Variants in ZNF800 observed in about 807,000 individuals in gnomAD.
ZNF800 encodes zinc finger protein 800.
In ZNF800, 13 loss-of-function variants were observed where a neutral mutation model predicts 59.5. The ratio of observed to expected loss-of-function variants is 0.22; its 90% CI spans 0.14 to 0.35. The LOEUF is 0.35. Ranked by LOEUF, ZNF800 falls within the 10% of genes least tolerant of loss-of-function variation. The pLI is 1.00. For missense variants in ZNF800, 621 were observed against 783.7 expected, an observed-to-expected ratio of 0.79 and a Z score of 2.48; for synonymous variants, 266 against 265.7, an observed-to-expected ratio of 1.00 and a Z score of -0.01.
At chr7:127,384,210 T>C (rs559546068) in intron 3 of ZNF800, among the ~76,000 whole-genome samples, 23 of 145,206 alleles carry the variant, frequency 1.6e-4, no homozygotes, top group Admixed American at 4.9e-4. Context: ...CACTTATGAC[T>C]TAACTAATTC....
At chr7:127,350,058 A>G (rs1231741966) in intron 1 of ZNF800, 2 of 152,122 alleles carry the variant, frequency 1.3e-5, no homozygotes, top group Admixed American at 1.3e-4. Flanking sequence ...TCCCTAAATT[A>G]CTCGCCATTG....
In ZNF800 at chr7:127,373,603, G is replaced by A. The variant is rs770885574; in HGVS notation, c.1733C>T (p.Ser578Leu). The change falls in exon 5 of 6, where the codon TCG (serine) becomes TTG (leucine). Residue 578 changes from serine to leucine, a missense_variant. Transcript: ENST00000265827. ...VLNKVAKRGP[S>L]RDEAKHSDSK... ...ATCACTATGTTTTGCTTCATCCCTC[G>A]AAGGGCCTCTTTTTGCCACTTTATT... 107 of 1,614,122 alleles carry A rather than the reference G, an allele frequency of 6.6e-5. 3 individuals are homozygous for A. In the South Asian group the frequency reaches 1.1e-3, roughly 16 times the overall value.
Position 127,385,946 on chromosome 7 carries a change from TAAAG to T in ZNF800, c.157+110_157+113del. The T allele has an allele frequency of 7.6e-6, 5 of 659,824 alleles. No homozygotes were observed. The South Asian group carries it at 1.0e-4, about 13-fold the overall frequency. 40.9% of individuals were successfully genotyped at this position (659,824 alleles called of 1,614,324 possible). On this transcript the variant is annotated intron_variant, in intron 3 of 5. Transcript: ENST00000265827. ...AAATATGAAAATTTTAAATATTCTA[TAAAG>T]AAAGCCAACATATACATTTTAATGT...
At chr7:127,381,569 C>T (rs1035018042) in intron 3 of ZNF800, among the ~76,000 whole-genome samples, 3 of 151,998 alleles carry the variant, frequency 2.0e-5, no homozygotes, top group Admixed American at 6.6e-5. Context: ...ATTGAGCACA[C>T]ATTAAATACC....
intron 3 of ZNF800, 57 bp downstream of exon 3, chr7:127,386,003 T>C (rs1310791685): frequency 3.6e-6 from 4 of 1,122,708 alleles, no homozygotes; most frequent in Middle Eastern, 3.9e-4. Context: ...TAAGGACTTC[T>C]AGGTAGTTTT....
At chr7:127,379,830 CTTGCCA>C (rs1800902409) in intron 3 of ZNF800, among the ~76,000 whole-genome samples, 1 of 55,030 alleles carries the variant, frequency 1.8e-5, no homozygotes. Flanking sequence ...TCCCCTTACC[CTTGCCA>C]CCCCCCCACC....
chr7:127,364,252 G>A (rs1023879395), intron 1 of ZNF800: 1 of 152,132 alleles, frequency 6.6e-6, no homozygotes, highest in Admixed American at 6.6e-5. Context: ...TGACCTTCAA[G>A]TGAACTTTCA....
intron 3 of ZNF800, among the ~76,000 whole-genome samples, chr7:127,379,836 A>ACCCC (rs71179574): frequency 0.032 from 891 of 27,602 alleles, 142 homozygotes; most frequent in East Asian, 0.091. Context: ...TACCCTTGCC[A>ACCCC]CCCCCCCACC....
intron 1 of ZNF800, among the ~76,000 whole-genome samples, chr7:127,355,279 C>CA (rs1800247977): frequency 6.6e-6 from 1 of 151,928 alleles, no homozygotes; most frequent in African/African-American, 2.4e-5. Context: ...GAAGACACTA[C>CA]AAAAAAGAAA....
At chr7:127,362,813 G>C (rs1349152292) in intron 1 of ZNF800, 6 of 152,102 alleles carry the variant, frequency 3.9e-5, no homozygotes, top group Non-Finnish European at 8.8e-5. Context: ...AATTAGTCAA[G>C]CGATGAACAT....
Position 127,371,514 on chromosome 7 carries a change from T to C in ZNF800, c.*300A>G, listed in dbSNP as rs918177515. 3.7e-6 allele frequency: 1 copy of C among 272,360 alleles called. No individual in the cohort carries two copies. The highest frequency in any genetic ancestry group is 2.2e-5 in the African/African-American group (1 of 45,748). 16.9% of individuals were successfully genotyped at this position (272,360 alleles called of 1,614,324 possible). On this transcript the variant is annotated 3_prime_UTR_variant, in exon 6 of 6. Transcript: ENST00000265827. Reference sequence around the variant, plus strand: ...CAAATTGTTTAGAAAACAAAATTTGTAACATTTTTGTAGAAACTGTCGACC... The same window carrying C: ...CAAATTGTTTAGAAAACAAAATTTGCAACATTTTTGTAGAAACTGTCGACC...
At chr7:127,346,970 A>C (rs1425982557) in exon 2 of ZNF800, 1 of 152,536 alleles carries the variant, frequency 6.6e-6, no homozygotes, top group African/African-American at 2.4e-5. Context: ...TGCCACCACC[A>C]ACACCCCGTG....
chr7:127,388,610 AT>A (rs57642881), intron 2 of ZNF800, among the ~76,000 whole-genome samples: 142,189 of 152,254 alleles, frequency 0.93, 66,462 homozygotes, highest in East Asian at 1. Flanking sequence ...TTCCATTTGT[AT>A]AAATGTGCTC....
At chr7:127,345,612 C>T (rs184306955), downstream of ZNF800, among the ~76,000 whole-genome samples, 6 of 152,092 alleles carry the variant, frequency 3.9e-5, no homozygotes, top group Non-Finnish European at 8.8e-5. Context: ...TGGCTGCATT[C>T]GAGTGGGCAA....
chr7:127,352,926 T>C (rs1800194783), intron 1 of ZNF800, among the ~76,000 whole-genome samples: 2 of 142,836 alleles, frequency 1.4e-5, no homozygotes, highest in South Asian at 4.7e-4. Flanking sequence ...ACAATAACCA[T>C]TTTAATTAGA....
chr7:127,377,984 C>T lies in ZNF800; in HGVS notation c.158-655G>A, dbSNP rs1322310297. ...GAGACATAATTTTGAACTATGCTTA[C>T]GCCTCTTGACAGCACTATAAATTTA... is the stretch of plus-strand genomic sequence containing the variant. On this transcript the variant is annotated intron_variant, in intron 3 of 5. Transcript: ENST00000265827. The surrounding 1 kb of genome is among the most constrained non-coding windows in gnomAD (Gnocchi z 4.7). Among the ~76,000 whole-genome samples the T allele has an allele frequency of 2.0e-5, 3 of 152,074 alleles. No individual in the cohort carries two copies. Among genetic ancestry groups the T allele is most frequent in the Non-Finnish European group, 2.9e-5 (2 of 67,906 alleles).
intron 1 of ZNF800, among the ~76,000 whole-genome samples, chr7:127,357,769 A>G (rs897727821): frequency 2.6e-5 from 4 of 152,030 alleles, no homozygotes; most frequent in Non-Finnish European, 2.9e-5. Flanking sequence ...ATACTATTAC[A>G]ATTTAATTAT....
chr7:127,380,607 A>G (rs996633416), intron 3 of ZNF800, among the ~76,000 whole-genome samples: 2 of 152,172 alleles, frequency 1.3e-5, no homozygotes, highest in African/African-American at 4.8e-5. Flanking sequence ...TGCTCTGCTC[A>G]CTTACAATTG....
chr7:127,387,752 G>A (rs902231897), intron 2 of ZNF800, among the ~76,000 whole-genome samples: 6 of 151,980 alleles, frequency 3.9e-5, no homozygotes, highest in African/African-American at 1.5e-4. Flanking sequence ...TCCTAGTTAC[G>A]TGGGAGGCTG....
Sources: allele counts gnomAD v4.1 joint callset (sites outside exome capture counted in the v4.1 genomes callset), GRCh38; gene constraint gnomAD v4.1.1; non-coding constraint Gnocchi (gnomAD v3.1); transcripts MANE v1.5; gene names NCBI Gene and HGNC (gene_info 2026-07-23, HGNC 2026-07-21).